AGMAT: variants seen among roughly 807,000 people sequenced by gnomAD.
AGMAT encodes guanidino acid hydrolase, mitochondrial.
Under a neutral mutation model 29.3 loss-of-function variants are expected in AGMAT, and 37 were observed. The ratio of observed to expected loss-of-function variants is 1.26; its 90% CI spans 0.97 to 1.66. The LOEUF (loss-of-function observed/expected upper bound fraction) is 1.66. Ranked by LOEUF, AGMAT falls within the 40% of genes most tolerant of loss-of-function variation. The pLI is 0.00. For missense variants in AGMAT, 498 were observed against 497.8 expected, an observed-to-expected ratio of 1.00 and a Z score of 0.00; for synonymous variants, 199 against 200.8, an observed-to-expected ratio of 0.99 and a Z score of 0.08.
intron 6 of AGMAT, 45 bp downstream of exon 6, chr1:15,574,712 T>C: frequency 6.5e-7 from 1 of 1,527,914 alleles, no homozygotes. Context: ...TCGTGTAATT[T>C]AAGCTACCGG....
chr1:15,583,120 T>G (rs1639138898), intron 2 of AGMAT, 73 bp downstream of exon 2: 1 of 1,378,250 alleles, frequency 7.3e-7, no homozygotes, highest in Admixed American at 2.0e-5. Context: ...GTAGCTGTAC[T>G]CAAGCCCCTG....
intron 5 of AGMAT, chr1:15,575,113 C>T (rs1365882961): frequency 5.5e-5 from 18 of 324,630 alleles, no homozygotes; most frequent in Non-Finnish European, 1.1e-4. Context: ...GGAAAGCAAG[C>T]CCAGAATGGT....
Position 15,578,973 on chromosome 1 carries a change from C to T in AGMAT, c.606G>A (p.Gly202=). 6.8e-6 allele frequency: 11 copies of T among 1,614,156 alleles called. No individual in the cohort carries two copies. Among genetic ancestry groups the T allele is most frequent in the Non-Finnish European group, 9.3e-6 (11 of 1,180,032 alleles). ...DKALGEKLYH[G]APFRRCVDEG... is the part of the protein sequence containing the mutation. ...CATCCACACACCGGCGGAAGGGCGC[C>T]CCGTGGTAGAGCTTCTCTCCTAGGG... is the stretch of plus-strand genomic sequence containing the variant. The change falls in exon 4 of 7, where the codon GGG becomes GGA. Residue 202 remains glycine, a synonymous_variant. Transcript: ENST00000375826.
chr1:15,583,272 G>A lies in AGMAT; in HGVS notation c.396C>T (p.Tyr132=). 6.2e-7 allele frequency: 1 copy of A among 1,614,148 alleles called. No individual in the cohort carries two copies. Among genetic ancestry groups the A allele is most frequent in the South Asian group, 1.1e-5 (1 of 91,084 alleles). ...TTCGCCGGCAGCTGTCCTGAAGGTT[G>A]TAAAGATTGACATTCACATCGCCTA... ...ADLGDVNVNL[Y]NLQDSCRRIQ... Residue 132 remains tyrosine, a synonymous_variant, in exon 2 of 7, where the codon TAC becomes TAT. Transcript: ENST00000375826.
Position 15,580,113 on chromosome 1 carries a change from A to G in AGMAT, c.505T>C (p.Leu169=). 6.2e-7 allele frequency: 1 copy of G among 1,613,918 alleles called. No homozygotes were observed. The highest frequency in any genetic ancestry group is 8.5e-7 in the Non-Finnish European group (1 of 1,179,900). The change falls in exon 3 of 7, where the codon TTG becomes CTG. Residue 169 remains leucine, a synonymous_variant. Transcript: ENST00000375826. The part of the protein sequence containing the change: ...GGDHTITYPI[L]QAMAKKHGPV... ...ACTTACTTTTTTGCCATCGCTTGCA[A>G]TATGGGATATGTGATTGTGTGATCT...
In AGMAT at chr1:15,573,383, C is replaced by T; in HGVS notation, c.*268G>A. 2.7e-6 allele frequency: 1 copy of T among 363,902 alleles called. No individual in the cohort carries two copies. Among genetic ancestry groups the T allele is most frequent in the Non-Finnish European group, 5.1e-6 (1 of 197,856 alleles). The allele number at this position is 363,902 out of a possible 1,614,324, so 22.5% of individuals were successfully genotyped here. A position where few individuals can be genotyped will look rare whatever the true frequency, so the allele number is the denominator to read the frequency against. On this transcript the variant is annotated 3_prime_UTR_variant, in exon 7 of 7. Coordinates refer to ENST00000375826, the MANE Select transcript of AGMAT (RefSeq NM_024758.5). ...TCTTGAAAGAAATTCTCCTCACTTC[C>T]CCTTTATCCTCCATCTTTCATCAAA...
Position 15,571,799 on chromosome 1 carries a change from A to G in AGMAT, c.*1852T>C, listed in dbSNP as rs993214848. The G allele has an allele frequency of 1.3e-5, 2 of 152,210 alleles. No individual in the cohort carries two copies. Among genetic ancestry groups the G allele is most frequent in the African/African-American group, 4.8e-5 (2 of 41,446 alleles). The allele number at this position is 152,210 out of a possible 1,614,324, so 9.4% of individuals were successfully genotyped here. ...ATGGACACATTATCAACAGAATTGA[A>G]TTTGCATGGAACTCAAGACACGCTT... On this transcript the variant is annotated 3_prime_UTR_variant, in exon 7 of 7. Transcript: ENST00000375826.
chr1:15,573,902 G>A (rs1638995783), intron 6 of AGMAT, among the ~76,000 whole-genome samples, 178 bp from the exon 7 acceptor site: 1 of 152,128 alleles, frequency 6.6e-6, no homozygotes, highest in South Asian at 2.1e-4. Context: ...CCTCCATCAA[G>A]CATCATTTGG....
In AGMAT at chr1:15,577,702, C is replaced by G. The variant is rs752536854; in HGVS notation, c.883G>C (p.Gly295Arg). 33 of 1,613,508 alleles carry G rather than the reference C, an allele frequency of 2.0e-5. No individual in the cohort carries two copies. Among genetic ancestry groups the G allele is most frequent in the Non-Finnish European group, 2.7e-5 (32 of 1,179,642 alleles). Residue 295 changes from glycine (G) to arginine (R), a missense_variant, in exon 5 of 7, where the codon GGT becomes CGT. Coordinates refer to ENST00000375826, the MANE Select transcript of AGMAT (RefSeq NM_024758.5). ...APGTGTPEIA[G>R]LTPSQALEII... ...CTCCTTACCTGACTAGGAGTGAGAC[C>G]AGCAATTTCAGGTGTCCCTGTCCCT...
intron 3 of AGMAT, 98 bp downstream of exon 3, chr1:15,579,996 G>A (rs974604866): frequency 8.9e-7 from 1 of 1,126,576 alleles, no homozygotes; most frequent in Non-Finnish European, 1.4e-6. Flanking sequence ...CATAACCTGA[G>A]CCAGCAGCAG....
chr1:15,579,433 C>T (rs1639083155), intron 3 of AGMAT, among the ~76,000 whole-genome samples: 1 of 152,128 alleles, frequency 6.6e-6, no homozygotes, highest in Admixed American at 6.5e-5. Context: ...CTCTCCATAA[C>T]CTCCATCAAC....
In AGMAT at chr1:15,583,337, T is replaced by A; in HGVS notation, c.331A>T (p.Thr111Ser). Residue 111 changes from threonine (T) to serine (S), a missense_variant, in exon 2 of 7, where the codon ACG (threonine) becomes TCG (serine). Coordinates refer to ENST00000375826, the MANE Select transcript of AGMAT (RefSeq NM_024758.5). Reference protein sequence around the residue: ...SVMLGTVNPSTGALPFQSLMV... With the variant: ...SVMLGTVNPSSGALPFQSLMV... The stretch of plus-strand genomic sequence containing the variant: ...AGGGACTGGAAGGGGAGGGCCCCCG[T>A]GCTAGGATTGACTGTCCCAAGCATC... 6.2e-7 allele frequency: 1 copy of A among 1,614,176 alleles called. No homozygotes were observed. The highest frequency in any genetic ancestry group is 8.5e-7 in the Non-Finnish European group (1 of 1,180,034).
rs1290065545 is a variant in AGMAT, at chr1:15,578,839, G to A, written c.720+20C>T. The stretch of plus-strand genomic sequence containing the variant: ...GAAGACATTTTGAGGGGCAAGGGTG[G>A]GGGGCATTCGGTCTGTCACCTGGCT... On this transcript the variant is annotated intron_variant, in intron 4 of 6. Coordinates refer to ENST00000375826, the MANE Select transcript of AGMAT (RefSeq NM_024758.5). 4 of 1,610,822 alleles carry A rather than the reference G, an allele frequency of 2.5e-6. No individual in the cohort carries two copies. Among genetic ancestry groups the A allele is most frequent in the Non-Finnish European group, 2.5e-6 (3 of 1,177,560 alleles).
At chr1:15,574,890 G>A (rs1428682994) in intron 5 of AGMAT, 49 bp from the exon 6 acceptor site, 1 of 1,480,736 alleles carries the variant, frequency 6.8e-7, no homozygotes, top group Non-Finnish European at 9.4e-7. Context: ...CATTTACAGT[G>A]AAAAGCACCC....
intron 3 of AGMAT, among the ~76,000 whole-genome samples, chr1:15,579,305 T>C (rs1639082176): frequency 6.6e-6 from 1 of 152,176 alleles, no homozygotes; most frequent in Non-Finnish European, 1.5e-5. Flanking sequence ...CAGAATTTGC[T>C]TCACTTAGAG....
chr1:15,582,600 G>C lies in AGMAT; in HGVS notation c.475+593C>G, dbSNP rs114351323. Among the ~76,000 whole-genome samples the C allele has an allele frequency of 6.1e-3, 930 of 152,330 alleles. 8 individuals carry two copies. The highest frequency in any genetic ancestry group is 0.021 in the African/African-American group (872 of 41,580). ...TGAACAAGAGAAAAAGTGAGAGTGG[G>C]TCAGGGGTGAGGATAAGGGGAAAGC... On this transcript the variant is annotated intron_variant, in intron 2 of 6. Transcript: ENST00000375826.
chr1:15,583,428 A>G, intron 1 of AGMAT, 33 bp from the exon 2 acceptor site: 2 of 1,586,012 alleles, frequency 1.3e-6, no homozygotes, highest in South Asian at 1.1e-5. Flanking sequence ...GTCAGCCATC[A>G]TCTGCAGAGA....
Position 15,573,262 on chromosome 1 carries a change from A to T in AGMAT, c.*389T>A. ...TGACAAGCAAAACTCTATCTCAAAA[A>T]AAAAAATGTTTAAAAGGAAGATATA... is the stretch of plus-strand genomic sequence containing the variant. On this transcript the variant is annotated 3_prime_UTR_variant, in exon 7 of 7. Transcript: ENST00000375826. 1 of 158,640 alleles carries T rather than the reference A, an allele frequency of 6.3e-6. No homozygotes were observed. The allele number at this position is 158,640 out of a possible 1,614,324, so 9.8% of individuals were successfully genotyped here. A position where few individuals can be genotyped will look rare whatever the true frequency, so the allele number is the denominator to read the frequency against.
Position 15,579,170 on chromosome 1 carries a change from T to C in AGMAT, c.525-116A>G, listed in dbSNP as rs144283596. 3,255 of 969,840 alleles carry C rather than the reference T, an allele frequency of 3.4e-3. 10 individuals are homozygous for C. The highest frequency in any genetic ancestry group is 4.2e-3 in the Non-Finnish European group (2,809 of 662,152). The allele number at this position is 969,840 out of a possible 1,614,324, so 60.1% of individuals were successfully genotyped here. On this transcript the variant is annotated intron_variant, in intron 3 of 6. Transcript: ENST00000375826. ...ACAGCCAAAAAGGGGAGACCTGGCA[T>C]CCGTTTTCTGCCTTGCAACTGGTTC... is the stretch of plus-strand genomic sequence containing the variant.
Sources: gnomAD v4.1 joint callset for allele counts (sites outside exome capture counted in the v4.1 genomes callset) on GRCh38, gnomAD v4.1.1 for gene constraint, MANE v1.5 for transcripts, NCBI Gene and HGNC (gene_info 2026-07-23, HGNC 2026-07-21) for gene names.